The following GLYR1 variants were observed in gnomAD, a reference collection of about 807,000 sequenced individuals.
GLYR1 encodes cytokine-like nuclear factor N-PAC.
Under a neutral mutation model 72.7 loss-of-function variants are expected in GLYR1, and 21 were observed. That is an observed-to-expected ratio of 0.29 (90% CI 0.20 to 0.42). The LOEUF (loss-of-function observed/expected upper bound fraction) is 0.42, where lower values mean the gene tolerates loss of function less well. Among genes scored for constraint, GLYR1 ranks in the 10% least tolerant of loss-of-function variants. The pLI is 1.00. For missense variants in GLYR1, 594 were observed against 712.1 expected (o/e 0.83, Z 1.89); for synonymous variants, 392 against 270.2 (o/e 1.45, Z -4.42).
At position 4,832,903 on chromosome 16, in the gene GLYR1, G is replaced by A; in HGVS notation, c.165C>T (p.Ile55=). The A allele has an allele frequency of 6.2e-7, 1 of 1,610,458 alleles. No individual in the cohort carries two copies. Among genetic ancestry groups the A allele is most frequent in the Non-Finnish European group, 8.5e-7 (1 of 1,178,486 alleles). The change falls in exon 4 of 16, where the codon ATC becomes ATT. Residue 55 remains isoleucine (I), a synonymous_variant. Transcript: ENST00000321919. The part of the protein sequence containing the change: ...KFFGTEDHAW[I]KVEQLKPYHA... ...GATATGGCTTCAGCTGTTCCACTTT[G>A]ATCCAGGCACTAGCAGAAAACAAAC...
At chr16:4,842,362 C>G (rs1027423588) in intron 3 of GLYR1, among the ~76,000 whole-genome samples, 1 of 151,714 alleles carries the variant, frequency 6.6e-6, no homozygotes, top group African/African-American at 2.4e-5. Flanking sequence ...AATTCTTTTT[C>G]TTTTTAAGAC....
intron 3 of GLYR1, among the ~76,000 whole-genome samples, chr16:4,840,557 T>C (rs749470383): frequency 1.3e-5 from 2 of 152,044 alleles, no homozygotes; most frequent in Non-Finnish European, 2.9e-5. Flanking sequence ...ACTCTCTCTC[T>C]CTCCCATAGG....
rs966098106 is a variant in GLYR1 at position 4,822,855 on chromosome 16, G to C, written c.681+20C>G. ...TGGCCAGCCCCTGACCAAGGGCCAA[G>C]AGCCTCAAAGGCAACTCACCTTCTC... On this transcript the variant is annotated intron_variant, in intron 7 of 15. Transcript: ENST00000321919. 6.2e-7 allele frequency: 1 copy of C among 1,611,098 alleles called. No individual in the cohort carries two copies. The highest frequency in any genetic ancestry group is 8.5e-7 in the Non-Finnish European group (1 of 1,177,188).
At chr16:4,808,642 T>G (rs564974777) in intron 15 of GLYR1, among the ~76,000 whole-genome samples, 2 of 151,368 alleles carry the variant, frequency 1.3e-5, no homozygotes, top group South Asian at 4.1e-4. Context: ...AATAAAAGTG[T>G]ATCAGCTGAT....
intron 15 of GLYR1, among the ~76,000 whole-genome samples, chr16:4,808,423 C>T (rs62036091): frequency 0.08 from 12,146 of 151,770 alleles, 773 homozygotes; most frequent in East Asian, 0.24. Flanking sequence ...ATGGTGAAAC[C>T]GTATCTCTAC....
chr16:4,822,794 G>A (rs2084122796), intron 7 of GLYR1, 81 bp downstream of exon 7: 3 of 1,219,098 alleles, frequency 2.5e-6, no homozygotes, highest in Non-Finnish European at 3.6e-6. Context: ...TAACTTTTCA[G>A]ATGGCCAGGC....
chr16:4,838,169 C>A (rs184381038), intron 3 of GLYR1, among the ~76,000 whole-genome samples: 15 of 152,200 alleles, frequency 9.9e-5, no homozygotes, highest in South Asian at 4.1e-4. Context: ...CAGAAAAAAA[C>A]ACACACAAAT....
intron 11 of GLYR1, chr16:4,814,047 G>A (rs948859453): frequency 7.4e-6 from 3 of 406,094 alleles, no homozygotes; most frequent in Middle Eastern, 6.3e-4. Context: ...ATGTGAGTGT[G>A]TGCATTTCTT....
intron 15 of GLYR1, among the ~76,000 whole-genome samples, chr16:4,806,795 ATTC>A (rs1469675988): frequency 6.6e-6 from 1 of 151,182 alleles, no homozygotes; most frequent in Non-Finnish European, 1.5e-5. Context: ...TGAAACTGGA[ATTC>A]TTTTTTCTTT....
chr16:4,826,812 G>A (rs1218807889), intron 5 of GLYR1, among the ~76,000 whole-genome samples: 1 of 152,232 alleles, frequency 6.6e-6, no homozygotes, highest in Non-Finnish European at 1.5e-5. Flanking sequence ...ATGGCCAATT[G>A]TGGCTGGGGC....
chr16:4,832,705 T>TA, intron 4 of GLYR1, 69 bp downstream of exon 4: 1 of 1,498,508 alleles, frequency 6.7e-7, no homozygotes, highest in Admixed American at 2.1e-5. Context: ...GGGTGACATT[T>TA]AATCTGTTAG....
intron 3 of GLYR1, among the ~76,000 whole-genome samples, chr16:4,842,199 G>C (rs968263391): frequency 1.3e-5 from 2 of 151,058 alleles, no homozygotes; most frequent in East Asian, 2.0e-4. Flanking sequence ...AGCCAAGATC[G>C]CGCCACTGCA....
chr16:4,846,705 C>A (rs1294980592), intron 1 of GLYR1: 11 of 235,630 alleles, frequency 4.7e-5, no homozygotes, highest in Non-Finnish European at 6.8e-5. Flanking sequence ...TGGTCACTGC[C>A]AAGCCATCGG....
At chr16:4,820,940 G>A (rs2083978333) in intron 9 of GLYR1, among the ~76,000 whole-genome samples, 1 of 152,206 alleles carries the variant, frequency 6.6e-6, no homozygotes, top group African/African-American at 2.4e-5. Flanking sequence ...GCCCCACCAT[G>A]GCCAATTTTG....
chr16:4,836,007 C>T (rs1257190022), intron 3 of GLYR1, among the ~76,000 whole-genome samples: 2 of 152,036 alleles, frequency 1.3e-5, no homozygotes, highest in Admixed American at 1.3e-4. Context: ...CCATGTTGCC[C>T]AGGTTGGTCT....
At chr16:4,831,572 C>T (rs1271382018) in intron 5 of GLYR1, among the ~76,000 whole-genome samples, 2 of 152,236 alleles carry the variant, frequency 1.3e-5, no homozygotes, top group African/African-American at 2.4e-5. Flanking sequence ...CAGGGCCAGC[C>T]CTTGTGCACC....
intron 5 of GLYR1, among the ~76,000 whole-genome samples, chr16:4,831,496 G>C (rs888825818): frequency 6.6e-6 from 1 of 152,026 alleles, no homozygotes; most frequent in South Asian, 2.1e-4. Context: ...CACCAGCACC[G>C]AGCCTCACAC....
At chr16:4,830,443 C>T (rs2142010809) in intron 5 of GLYR1, among the ~76,000 whole-genome samples, 1 of 152,272 alleles carries the variant, frequency 6.6e-6, no homozygotes, top group South Asian at 2.1e-4. Flanking sequence ...TCCCCAGACT[C>T]CCTGACCATG....
At chr16:4,827,672 A>T (rs1050407738) in intron 5 of GLYR1, among the ~76,000 whole-genome samples, 2 of 152,008 alleles carry the variant, frequency 1.3e-5, no homozygotes, top group Admixed American at 1.3e-4. Flanking sequence ...AGGCCGAGGC[A>T]GGTGGATCAT....
Sources: gnomAD v4.1 joint callset for allele counts (sites outside exome capture counted in the v4.1 genomes callset) on GRCh38, gnomAD v4.1.1 for gene constraint, MANE v1.5 for transcripts, NCBI Gene and HGNC (gene_info 2026-07-23, HGNC 2026-07-21) for gene names.